CDH18: variants seen among roughly 807,000 people sequenced by gnomAD.
CDH18 encodes the protein cadherin 18.
Under a neutral mutation model 67.9 loss-of-function variants are expected in CDH18, and 31 were observed. The ratio of observed to expected loss-of-function variants is 0.46; its 90% CI spans 0.34 to 0.62. The LOEUF (loss-of-function observed/expected upper bound fraction) is 0.62. Among genes scored for constraint, CDH18 ranks in the 20% least tolerant of loss-of-function variants. The pLI is 0.01. For missense variants in CDH18, 890 were observed against 975.5 expected (o/e 0.91, Z 1.17); for synonymous variants, 362 against 347.2 (o/e 1.04, Z -0.48).
At chr5:19,805,008 A>G (rs565487687) in intron 3 of CDH18, among the ~76,000 whole-genome samples, 2 of 151,776 alleles carry the variant, frequency 1.3e-5, no homozygotes, top group Admixed American at 6.6e-5. Context: ...CCCATGGCAC[A>G]CAATCTCAAC....
chr5:20,567,623 G>C (rs1758587075), intron 1 of CDH18, among the ~76,000 whole-genome samples: 1 of 152,146 alleles, frequency 6.6e-6, no homozygotes, highest in African/African-American at 2.4e-5. Context: ...AAATAGAAAA[G>C]ATATGAGAAT....
In CDH18 at chr5:20,124,924, T is replaced by C. The variant is rs112312216; in HGVS notation, c.-518+130520A>G. Among the ~76,000 whole-genome samples the C allele has an allele frequency of 2.2e-3, 339 of 152,236 alleles. 1 individual carries two copies. The highest frequency in any genetic ancestry group is 7.6e-3 in the African/African-American group (317 of 41,534). ...TTGAAATACTAGATAAGGAATTATA[T>C]TTGTAATGGTCCTGGATAAATGTCC... is the stretch of plus-strand genomic sequence containing the variant. On this transcript the variant is annotated intron_variant, in intron 2 of 14. Transcript: ENST00000507958.
intron 3 of CDH18, among the ~76,000 whole-genome samples, chr5:19,833,701 A>T (rs1781304756): frequency 6.6e-6 from 1 of 152,056 alleles, no homozygotes; most frequent in Non-Finnish European, 1.5e-5. Flanking sequence ...TTCCATCAAT[A>T]CCTAGTTTAT....
intron 11 of CDH18, among the ~76,000 whole-genome samples, chr5:19,487,934 T>G (rs1435119524): frequency 1.3e-5 from 2 of 152,144 alleles, no homozygotes; most frequent in Non-Finnish European, 2.9e-5. Context: ...AAAAATGTTG[T>G]GGGGCTATTT....
intron 1 of CDH18, among the ~76,000 whole-genome samples, chr5:20,261,002 A>T (rs566041034): frequency 6.6e-6 from 1 of 152,344 alleles, no homozygotes; most frequent in East Asian, 1.9e-4. Context: ...CTGATTTACA[A>T]AAACTATGAA....
rs112982747 is a variant in CDH18 at position 19,843,097 on chromosome 5, A to T, written c.-256-3855T>A. Among the ~76,000 whole-genome samples, 482 of 152,326 alleles carry T rather than the reference A, an allele frequency of 3.2e-3. 2 individuals carry two copies. Among genetic ancestry groups the T allele is most frequent in the African/African-American group, 9.4e-3 (389 of 41,580 alleles). On this transcript the variant is annotated intron_variant, in intron 2 of 12. Coordinates refer to ENST00000382275, the MANE Select transcript of CDH18 (RefSeq NM_004934.5). Reference sequence around the variant, plus strand: ...AAAGAAATTGAAGCCAGCTTGAGAAATTTGCATAAGTAACAAGAAGCCAAA... The same window carrying T: ...AAAGAAATTGAAGCCAGCTTGAGAATTTTGCATAAGTAACAAGAAGCCAAA...
At chr5:20,471,833 T>TTAAAAAAAAAAAAAAAAAAAAAAAA (rs757184101) in intron 1 of CDH18, among the ~76,000 whole-genome samples, 5 of 51,500 alleles carry the variant, frequency 9.7e-5, no homozygotes, top group African/African-American at 3.2e-4. Context: ...AGATTCAGTC[T>TTAAAAAAAAAAAAAAAAAAAAAAAA]AAAAAAAAAA....
At chr5:20,056,404 G>GT (rs200064252) in intron 2 of CDH18, among the ~76,000 whole-genome samples, 2 of 140,408 alleles carry the variant, frequency 1.4e-5, no homozygotes, top group African/African-American at 5.4e-5. Context: ...TTGTTTGTTT[G>GT]TTTTTTAATC....
chr5:20,455,835 T>C (rs948747223), intron 1 of CDH18, among the ~76,000 whole-genome samples: 4 of 152,122 alleles, frequency 2.6e-5, no homozygotes, highest in Non-Finnish European at 4.4e-5. Flanking sequence ...CACAGATTTA[T>C]TCCTTTCTCA....
In CDH18 at chr5:19,839,105, T is replaced by C. The variant is rs979722933; in HGVS notation, c.-119A>G. 2.8e-6 allele frequency: 2 copies of C among 711,152 alleles called. No individual in the cohort carries two copies. Among genetic ancestry groups the C allele is most frequent in the Admixed American group, 2.4e-5 (1 of 41,542 alleles). The allele number at this position is 711,152 out of a possible 1,614,324, so 44.1% of individuals were successfully genotyped here. On this transcript the variant is annotated 5_prime_UTR_variant, in exon 3 of 13. Coordinates refer to ENST00000382275, the MANE Select transcript of CDH18 (RefSeq NM_004934.5). Reference sequence around the variant, plus strand: ...AGGAAGGACAGTCCAAAGTAAATTGTTTAGCGTGTCCATGATTTAACTGTC... The same window carrying C: ...AGGAAGGACAGTCCAAAGTAAATTGCTTAGCGTGTCCATGATTTAACTGTC...
At chr5:19,701,496 T>C (rs982093671) in intron 5 of CDH18, among the ~76,000 whole-genome samples, 1 of 152,046 alleles carries the variant, frequency 6.6e-6, no homozygotes, top group African/African-American at 2.4e-5. Flanking sequence ...ATGAGGAATT[T>C]GGAGGTATTT....
intron 1 of CDH18, among the ~76,000 whole-genome samples, chr5:20,532,772 T>C (rs1756483960): frequency 6.6e-6 from 1 of 152,174 alleles, no homozygotes; most frequent in South Asian, 2.1e-4. Context: ...ATTCTTCCAA[T>C]AGGTTTTACA....
At chr5:19,651,367 C>T (rs1755552850) in intron 5 of CDH18, among the ~76,000 whole-genome samples, 1 of 152,026 alleles carries the variant, frequency 6.6e-6, no homozygotes, top group South Asian at 2.1e-4. Context: ...TTGTCAAAGA[C>T]ATTTCTTCAT....
intron 2 of CDH18, among the ~76,000 whole-genome samples, chr5:20,123,761 A>T (rs1046245171): frequency 6.6e-6 from 1 of 151,656 alleles, no homozygotes; most frequent in Non-Finnish European, 1.5e-5. Flanking sequence ...GGTGGTGGGC[A>T]CCTGTAGTCC....
chr5:20,088,165 C>G (rs1561780243), intron 2 of CDH18, among the ~76,000 whole-genome samples: 1 of 152,160 alleles, frequency 6.6e-6, no homozygotes, highest in Non-Finnish European at 1.5e-5. Context: ...ATTGCTATTC[C>G]CATATCCTAG....
rs150420784 is a variant in CDH18 at position 19,489,250 on chromosome 5, C to T, written c.1631-5698G>A. Among the ~76,000 whole-genome samples the T allele has an allele frequency of 3.5e-3, 454 of 127,956 alleles. 1 individual carries two copies. Among genetic ancestry groups the T allele is most frequent in the African/African-American group, 0.01 (355 of 34,026 alleles). 83.9% of individuals were successfully genotyped at this position (127,956 alleles called of 152,430 possible). On this transcript the variant is annotated intron_variant, in intron 11 of 12. Coordinates refer to ENST00000382275, the MANE Select transcript of CDH18 (RefSeq NM_004934.5). Reference sequence around the variant, plus strand: ...TGTTAGTGTTTGTTCTTTTTTTTTTCTTTTTTTTTTTTTTTGAGACTGAGT... The same window carrying T: ...TGTTAGTGTTTGTTCTTTTTTTTTTTTTTTTTTTTTTTTTTGAGACTGAGT...
intron 3 of CDH18, among the ~76,000 whole-genome samples, chr5:19,804,692 G>T (rs12652350): frequency 0.38 from 57,551 of 151,990 alleles, 12,899 homozygotes; most frequent in Middle Eastern, 0.57. Flanking sequence ...AGGATGATTA[G>T]CATGTTGAGA....
chr5:19,724,534 C>G (rs4866150), intron 4 of CDH18, among the ~76,000 whole-genome samples: 1 of 151,392 alleles, frequency 6.6e-6, no homozygotes. Flanking sequence ...CACACACACA[C>G]ACACACAAAT....
At chr5:20,244,412 C>T (rs919974662) in intron 2 of CDH18, among the ~76,000 whole-genome samples, 2 of 152,006 alleles carry the variant, frequency 1.3e-5, no homozygotes, top group African/African-American at 2.4e-5. Flanking sequence ...CATCGTTGTC[C>T]AGCAATGTCT....
Sources: allele counts gnomAD v4.1 joint callset (sites outside exome capture counted in the v4.1 genomes callset), GRCh38; gene constraint gnomAD v4.1.1; transcripts MANE v1.5; gene names NCBI Gene and HGNC (gene_info 2026-07-23, HGNC 2026-07-21).